HEXB: variants seen among roughly 807,000 people sequenced by gnomAD.
HEXB encodes the protein beta-hexosaminidase subunit beta.
In HEXB, 51 loss-of-function variants were observed where a neutral mutation model predicts 71.2. That is an observed-to-expected ratio of 0.72 (90% CI 0.57 to 0.90). The LOEUF is 0.90. HEXB is among the 40% of genes least tolerant of loss of function. The pLI, the probability that HEXB is intolerant of heterozygous loss-of-function variation, is 0.00. For synonymous variants in HEXB, 266 were observed against 249.3 expected (o/e 1.07, Z -0.63); for missense variants, 617 against 677.0 (o/e 0.91, Z 0.98).
chr5:74,693,851 C>A (rs1052290649), intron 3 of HEXB, 147 bp downstream of exon 3: 41 of 715,946 alleles, frequency 5.7e-5, no homozygotes, highest in Admixed American at 1.0e-4. Context: ...TTCCATTGAA[C>A]ATGTACTACA....
intron 1 of HEXB, among the ~76,000 whole-genome samples, chr5:74,663,098 C>T (rs1748357829): frequency 6.6e-6 from 1 of 152,154 alleles, no homozygotes; most frequent in South Asian, 2.1e-4. Context: ...ACTCAGTAAA[C>T]GAAGACCCAA....
At chr5:74,660,737 T>C (rs1256082136) in intron 1 of HEXB, among the ~76,000 whole-genome samples, 2 of 152,122 alleles carry the variant, frequency 1.3e-5, no homozygotes, top group Non-Finnish European at 2.9e-5. Flanking sequence ...ACTGGTAAAA[T>C]CATATTTTGA....
At chr5:74,662,420 T>C (rs4703640) in intron 1 of HEXB, among the ~76,000 whole-genome samples, 116,522 of 152,102 alleles carry the variant, frequency 0.77, 44,813 homozygotes, top group Admixed American at 0.83. Flanking sequence ...ATTATGCTAC[T>C]AGAAAATGTA....
At chr5:74,687,736 CT>C (rs1364315182) in intron 1 of HEXB, among the ~76,000 whole-genome samples, 3 of 152,008 alleles carry the variant, frequency 2.0e-5, no homozygotes, top group Non-Finnish European at 2.9e-5. Context: ...CCATCTTAAC[CT>C]TTTGTAAGTA....
chr5:74,689,259 C>T (rs1294466654), intron 1 of HEXB, 69 bp from the exon 2 acceptor site: 2 of 1,200,032 alleles, frequency 1.7e-6, no homozygotes, highest in Admixed American at 3.4e-5. Flanking sequence ...TACAATGTTA[C>T]TAGCACATCT....
intron 1 of HEXB, among the ~76,000 whole-genome samples, chr5:74,669,743 A>G (rs900668811): frequency 1.3e-5 from 2 of 152,116 alleles, no homozygotes; most frequent in African/African-American, 4.8e-5. Flanking sequence ...CAGGGAAGAC[A>G]GTGTGGTCTT....
chr5:74,676,305 A>G (rs546674722), intron 1 of HEXB, among the ~76,000 whole-genome samples: 6 of 152,176 alleles, frequency 3.9e-5, no homozygotes, highest in Middle Eastern at 3.2e-3. Flanking sequence ...AACAGTTACA[A>G]GTGCACTTTA....
rs755673051 is a variant in HEXB at position 74,641,157 on chromosome 5, T to C, written c.-377+599T>C. ...TGATGCCAGAGCCCGCGAGATGCTC[T>C]AAAAAGGGCTGCAAGGGGCGAGCTG... On this transcript the variant is annotated intron_variant, in intron 1 of 13. Transcript: ENST00000511181. The surrounding 1 kb of genome is among the most constrained non-coding windows in gnomAD (Gnocchi z 4.1). 1.3e-5 allele frequency: 2 copies of C among 152,346 alleles called. No individual in the cohort carries two copies. The highest frequency in any genetic ancestry group is 2.9e-5 in the Non-Finnish European group (2 of 68,236). The allele number at this position is 152,346 out of a possible 1,614,324, so 9.4% of individuals were successfully genotyped here.
At chr5:74,700,109 C>G (rs111364716) in intron 5 of HEXB, among the ~76,000 whole-genome samples, 2 of 142,220 alleles carry the variant, frequency 1.4e-5, no homozygotes, top group South Asian at 4.4e-4. Flanking sequence ...TGGGTTCAAG[C>G]GATTCTTGGA....
rs1749456673 is a variant in HEXB, at chr5:74,708,391, A to C, written c.771+3071A>C. ...GAAGAAACTGCATCAACTAACAAGC[A>C]AAATAACCAGCTAACATCATAATGA... On this transcript the variant is annotated intron_variant, in intron 6 of 13. Transcript: ENST00000261416. Among the ~76,000 whole-genome samples the C allele has an allele frequency of 2.7e-5, 4 of 150,094 alleles. No individual in the cohort carries two copies. The South Asian group carries it at 8.7e-4, about 33-fold the overall frequency.
intron 1 of HEXB, among the ~76,000 whole-genome samples, chr5:74,663,480 C>T (rs1580365577): frequency 6.6e-6 from 1 of 152,108 alleles, no homozygotes; most frequent in African/African-American, 2.4e-5. Context: ...CATGAGCCAC[C>T]GTGCCTGGCA....
intron 3 of HEXB, among the ~76,000 whole-genome samples, chr5:74,695,939 G>C (rs1749104686): frequency 6.6e-6 from 1 of 151,902 alleles, no homozygotes; most frequent in Non-Finnish European, 1.5e-5. Context: ...CAGACTTTCA[G>C]AGTAATGTAC....
At chr5:74,663,910 G>T (rs1465188538) in intron 1 of HEXB, among the ~76,000 whole-genome samples, 1 of 152,098 alleles carries the variant, frequency 6.6e-6, no homozygotes, top group Non-Finnish European at 1.5e-5. Context: ...AGGATTGCTT[G>T]AGCCCAGGAT....
chr5:74,699,573 C>T (rs551398558), intron 5 of HEXB, among the ~76,000 whole-genome samples: 20 of 152,074 alleles, frequency 1.3e-4, no homozygotes, highest in Non-Finnish European at 2.9e-4. Context: ...CCACACCTGG[C>T]CTTTGCTACT....
rs188099450 is a variant in HEXB at position 74,672,213 on chromosome 5, C to T, written c.-376-17115C>T. Among the ~76,000 whole-genome samples, 368 of 152,324 alleles carry T rather than the reference C, an allele frequency of 2.4e-3. 4 individuals are homozygous for T. Among genetic ancestry groups the T allele is most frequent in the Non-Finnish European group, 1.5e-3 (100 of 68,030 alleles). ...ATCTCCCTGCCTGTGGTACACACTG[C>T]GAGCCCTTCAGGGAATGTACTCCTT... is the stretch of plus-strand genomic sequence containing the variant. On this transcript the variant is annotated intron_variant, in intron 1 of 13. Coordinates refer to the HEXB transcript ENST00000511181.
chr5:74,685,020 T>G (rs1748822129), upstream of HEXB: 3 of 503,700 alleles, frequency 6.0e-6, no homozygotes, highest in Non-Finnish European at 1.0e-5. Flanking sequence ...GTGTTTGAGG[T>G]TGCTGTCTGG....
At chr5:74,705,427 T>C in intron 6 of HEXB, 107 bp downstream of exon 6, 3 of 759,060 alleles carry the variant, frequency 4.0e-6, no homozygotes, top group Non-Finnish European at 6.9e-6. Context: ...AGTGTAAAAA[T>C]CAGATGTTTA....
chr5:74,685,255 G>T lies in HEXB; in HGVS notation c.-6G>T. 1 of 1,504,054 alleles carries T rather than the reference G, an allele frequency of 6.6e-7. No homozygotes were observed. The highest frequency in any genetic ancestry group is 8.8e-7 in the Non-Finnish European group (1 of 1,133,342). 93.2% of individuals were successfully genotyped at this position (1,504,054 alleles called of 1,614,324 possible). On this transcript the variant is annotated 5_prime_UTR_variant, in exon 1 of 14. Transcript: ENST00000261416. ...GGCAGACCGGGCGGAAAGCAGCCGA[G>T]CGGCCATGGAGCTGTGCGGGCTGGG...
chr5:74,672,033 G>A (rs759207443), intron 1 of HEXB, among the ~76,000 whole-genome samples: 4 of 152,202 alleles, frequency 2.6e-5, no homozygotes, highest in African/African-American at 4.8e-5. Context: ...GATGAGGTCT[G>A]TGTGCTTTGT....
Sources: allele counts gnomAD v4.1 joint callset (sites outside exome capture counted in the v4.1 genomes callset), GRCh38; gene constraint gnomAD v4.1.1; non-coding constraint Gnocchi (gnomAD v3.1); transcripts MANE v1.5; gene names NCBI Gene and HGNC (gene_info 2026-07-23, HGNC 2026-07-21).